MSH3: variants seen among roughly 807,000 people sequenced by gnomAD.
MSH3 encodes the protein mutS homolog 3.
MSH3 carries 106 observed loss-of-function variants against 123.3 expected under a neutral mutation model. The observed-to-expected ratio is 0.86, with a 90% CI of 0.73 to 1.01. The LOEUF (loss-of-function observed/expected upper bound fraction) is 1.01. MSH3 is among the 50% of genes least tolerant of loss of function. MSH3 has a pLI of 0.00. For missense variants in MSH3, 1,459 were observed against 1,347.6 expected, an observed-to-expected ratio of 1.08 and a Z score of -1.29; for synonymous variants, 515 against 481.4, an observed-to-expected ratio of 1.07 and a Z score of -0.91.
At chr5:80,750,764 A>G (rs1356053715) in intron 12 of MSH3, among the ~76,000 whole-genome samples, 2 of 151,966 alleles carry the variant, frequency 1.3e-5, no homozygotes, top group South Asian at 2.1e-4. Flanking sequence ...TTTGTTGTCT[A>G]TAGTTTGGTT....
At chr5:80,808,553 A>G (rs888470094) in intron 19 of MSH3, among the ~76,000 whole-genome samples, 2 of 152,180 alleles carry the variant, frequency 1.3e-5, no homozygotes, top group South Asian at 4.2e-4. Flanking sequence ...TCCCAGCTAA[A>G]TAAACATGGT....
At chr5:80,776,928 A>ATT (rs551087715) in intron 16 of MSH3, among the ~76,000 whole-genome samples, 79 of 139,394 alleles carry the variant, frequency 5.7e-4, no homozygotes, top group African/African-American at 1.6e-3. Context: ...ATATATATAT[A>ATT]TTTTTTTTTT....
chr5:80,734,314 G>A (rs1743464526), intron 10 of MSH3, among the ~76,000 whole-genome samples: 1 of 152,194 alleles, frequency 6.6e-6, no homozygotes, highest in African/African-American at 2.4e-5. Flanking sequence ...GGGGAATGGA[G>A]AGTGATTGCT....
chr5:80,745,333 AC>A (rs1227227250), intron 12 of MSH3, among the ~76,000 whole-genome samples: 2 of 152,198 alleles, frequency 1.3e-5, no homozygotes, highest in African/African-American at 4.8e-5. Context: ...GGAGATTCTG[AC>A]CTAGAACAGT....
Position 80,685,223 on chromosome 5 carries a change from T to C in MSH3, c.1340+6130T>C, listed in dbSNP as rs867792044. 7.5e-3 allele frequency among the ~76,000 whole-genome samples: 822 copies of C among 109,156 alleles called. 1 individual carries two copies. The highest frequency in any genetic ancestry group is 9.7e-3 in the Non-Finnish European group (507 of 52,076). 71.6% of individuals were successfully genotyped at this position (109,156 alleles called of 152,430 possible). ...CTCCTTTTTTTTTTTTTTTTTTTTT[T>C]CCCAGAATAGTTTGAGGAAAATGGG... On this transcript the variant is annotated intron_variant, in intron 8 of 23. Coordinates refer to ENST00000265081, the MANE Select transcript of MSH3 (RefSeq NM_002439.5).
chr5:80,845,395 C>T (rs245362), intron 20 of MSH3, among the ~76,000 whole-genome samples: 66,928 of 151,876 alleles, frequency 0.44, 15,915 homozygotes, highest in Non-Finnish European at 0.54. Context: ...TTGCTCTTCT[C>T]GAGGAGTATC....
At chr5:80,812,691 C>T (rs917124233) in intron 19 of MSH3, among the ~76,000 whole-genome samples, 3 of 150,306 alleles carry the variant, frequency 2.0e-5, no homozygotes, top group Non-Finnish European at 2.9e-5. Context: ...AAGTGATTCT[C>T]ATGTCTCAGC....
chr5:80,784,703 T>C (rs924440349), intron 17 of MSH3, among the ~76,000 whole-genome samples: 6 of 152,212 alleles, frequency 3.9e-5, no homozygotes, highest in Non-Finnish European at 1.5e-5. Flanking sequence ...CTCCACATTT[T>C]AAAGTGGTGA....
At chr5:80,833,964 G>A (rs1032999496) in intron 20 of MSH3, among the ~76,000 whole-genome samples, 1 of 152,158 alleles carries the variant, frequency 6.6e-6, no homozygotes, top group African/African-American at 2.4e-5. Context: ...TAGTAATCAA[G>A]CTAGAATAAA....
chr5:80,725,425 T>A, intron 8 of MSH3, 28 bp from the exon 9 acceptor site: 1 of 1,498,758 alleles, frequency 6.7e-7, no homozygotes, highest in African/African-American at 1.4e-5. Flanking sequence ...GGATAAGTTA[T>A]CTTTGAAATT....
At position 80,665,190 on chromosome 5, in the gene MSH3, A is replaced by G; in HGVS notation, c.406A>G (p.Lys136Glu). Residue 136 changes from lysine to glutamate, a missense_variant, in exon 3 of 24, where the codon AAA becomes GAA. Physicochemically the swap from Lys to Glu is moderately conservative, Grantham distance 56 (BLOSUM62 1). Transcript: ENST00000265081. ...CAGGAATGTTTCAAAGTCTCTGGAA[A>G]AATTGAAAGAATTCTGCTGCGATTC... ...RTRNVSKSLE[K>E]LKEFCCDSAL... 1 of 1,614,116 alleles carries G rather than the reference A, an allele frequency of 6.2e-7. No homozygotes were observed. Among genetic ancestry groups the G allele is most frequent in the Non-Finnish European group, 8.5e-7 (1 of 1,179,992 alleles).
chr5:80,722,387 C>T (rs1346978135), intron 8 of MSH3, among the ~76,000 whole-genome samples: 1 of 152,174 alleles, frequency 6.6e-6, no homozygotes, highest in Non-Finnish European at 1.5e-5. Flanking sequence ...TTACAGATAA[C>T]TTTTGATGTT....
At chr5:80,748,167 GT>G (rs1191111946) in intron 12 of MSH3, among the ~76,000 whole-genome samples, 2 of 152,116 alleles carry the variant, frequency 1.3e-5, no homozygotes, top group African/African-American at 2.4e-5. Flanking sequence ...AGATCCCATT[GT>G]TTGTCAGTCA....
At chr5:80,725,021 T>C (rs958228902) in intron 8 of MSH3, among the ~76,000 whole-genome samples, 5 of 152,012 alleles carry the variant, frequency 3.3e-5, no homozygotes, top group Admixed American at 6.5e-5. Flanking sequence ...GAGACCATCC[T>C]GGCTAACACG....
Position 80,674,163 on chromosome 5 carries a change from G to C in MSH3, c.1028-820G>C, listed in dbSNP as rs3797878. ...TTGCTAAAGCTTGAGTCTGTTATTT[G>C]AAGCCCATTTCTAGTACAGTCCCCC... On this transcript the variant is annotated intron_variant, in intron 6 of 23. Coordinates refer to ENST00000265081, the MANE Select transcript of MSH3 (RefSeq NM_002439.5). Among the ~76,000 whole-genome samples, 114 of 152,202 alleles carry C rather than the reference G, an allele frequency of 7.5e-4. 1 individual carries two copies. In the East Asian group the frequency reaches 0.02, roughly 27 times the overall value.
At chr5:80,768,517 T>C (rs1482495049) in intron 14 of MSH3, among the ~76,000 whole-genome samples, 5 of 152,174 alleles carry the variant, frequency 3.3e-5, no homozygotes, top group African/African-American at 1.2e-4. Flanking sequence ...TTATAACATA[T>C]TGCACAAAAC....
intron 22 of MSH3, among the ~76,000 whole-genome samples, chr5:80,867,737 G>A (rs1264940150): frequency 6.6e-6 from 1 of 152,188 alleles, no homozygotes; most frequent in Non-Finnish European, 1.5e-5. Context: ...CTTTTGAAAA[G>A]TATCTGTTCA....
intron 20 of MSH3, among the ~76,000 whole-genome samples, chr5:80,818,237 A>C (rs941736802): frequency 1.3e-5 from 2 of 152,014 alleles, no homozygotes; most frequent in Admixed American, 6.6e-5. Flanking sequence ...ATCAAACTGA[A>C]ACTGTTCAGA....
intron 10 of MSH3, among the ~76,000 whole-genome samples, chr5:80,729,398 A>G (rs1743366006): frequency 1.5e-5 from 2 of 132,542 alleles, no homozygotes; most frequent in Non-Finnish European, 3.1e-5. Flanking sequence ...CCTGGGCGAC[A>G]GCGAGACTCC....
Sources: allele counts gnomAD v4.1 joint callset (sites outside exome capture counted in the v4.1 genomes callset), GRCh38; gene constraint gnomAD v4.1.1; transcripts MANE v1.5; gene names NCBI Gene and HGNC (gene_info 2026-07-23, HGNC 2026-07-21).